The following TMEM62 variants were observed in gnomAD, a reference collection of about 807,000 sequenced individuals.
The protein encoded by TMEM62 is transmembrane protein 62.
A neutral mutation model predicts 70.4 loss-of-function variants in TMEM62; 41 were observed. The ratio of observed to expected loss-of-function variants is 0.58; its 90% CI spans 0.45 to 0.76. TMEM62 has a LOEUF of 0.76. Among genes scored for constraint, TMEM62 ranks in the 30% least tolerant of loss-of-function variants. TMEM62 has a pLI of 0.00. For missense variants in TMEM62, 688 were observed against 788.5 expected (o/e 0.87, Z 1.53); for synonymous variants, 268 against 291.0 (o/e 0.92, Z 0.80).
chr15:43,152,099 T>C (rs1195284399), intron 8 of TMEM62, among the ~76,000 whole-genome samples, 154 bp downstream of exon 8: 1 of 152,246 alleles, frequency 6.6e-6, no homozygotes, highest in Non-Finnish European at 1.5e-5. Context: ...TACTGTTTTG[T>C]TTCCATTAAG....
In TMEM62 at chr15:43,146,647, TCTTA is replaced by T. The variant is rs1267566394; in HGVS notation, c.618+17_618+20del. On this transcript the variant is annotated intron_variant, in intron 5 of 13. Transcript: ENST00000260403. Reference sequence around the variant, plus strand: ...AATTTTAGATAAGGTGCAGTAAAAATCTTACTTCCCTTTGTAGCTTACTTATTTT... The same window carrying T: ...AATTTTAGATAAGGTGCAGTAAAAATCTTCCCTTTGTAGCTTACTTATTTT... The T allele has an allele frequency of 6.2e-7, 1 of 1,600,346 alleles. No homozygotes were observed. Among genetic ancestry groups the T allele is most frequent in the Non-Finnish European group, 8.5e-7 (1 of 1,174,460 alleles).
intron 13 of TMEM62, among the ~76,000 whole-genome samples, chr15:43,181,613 T>C (rs2041336990): frequency 6.6e-6 from 1 of 152,216 alleles, no homozygotes; most frequent in African/African-American, 2.4e-5. Flanking sequence ...GCGATTTTCC[T>C]GCCTCAGCCT....
Position 43,160,808 on chromosome 15 carries a change from A to T in TMEM62, c.1296+14A>T. On this transcript the variant is annotated intron_variant, in intron 10 of 13. Transcript: ENST00000260403. ...CACTACATCATGGTAAGTGAATTCA[A>T]TTAAATATTACATATGTTAAATGCA... The T allele has an allele frequency of 7.0e-7, 1 of 1,426,914 alleles. No individual in the cohort carries two copies. The highest frequency in any genetic ancestry group is 9.8e-7 in the Non-Finnish European group (1 of 1,020,612). The allele number at this position is 1,426,914 out of a possible 1,614,324, so 88.4% of individuals were successfully genotyped here.
chr15:43,182,717 G>A (rs572855334), intron 13 of TMEM62, among the ~76,000 whole-genome samples: 110 of 152,278 alleles, frequency 7.2e-4, no homozygotes, highest in African/African-American at 2.6e-3. Context: ...GCCTCCCAAA[G>A]TGCTGGGATT....
At chr15:43,176,922 G>A (rs964391421) in intron 11 of TMEM62, among the ~76,000 whole-genome samples, 1 of 152,048 alleles carries the variant, frequency 6.6e-6, no homozygotes, top group East Asian at 1.9e-4. Context: ...CAAAGGCAAA[G>A]AAGTTAAAAA....
chr15:43,140,446 C>T (rs565140471), intron 4 of TMEM62, among the ~76,000 whole-genome samples: 101 of 152,234 alleles, frequency 6.6e-4, no homozygotes, highest in Admixed American at 2.2e-3. Flanking sequence ...CCAACTTTGG[C>T]GGTCACATTG....
At chr15:43,169,298 G>A (rs2039942502) in intron 10 of TMEM62, 1 of 254,902 alleles carries the variant, frequency 3.9e-6, no homozygotes, top group Admixed American at 5.2e-5. Flanking sequence ...TCCTCCAAAA[G>A]GGGCTTGTTA....
Position 43,154,785 on chromosome 15 carries a change from C to G in TMEM62, c.1136C>G (p.Pro379Arg). ...SGPIFVLKWN[P>R]RNYSSGTHNI... ...CCCATTTTCGTACTGAAGTGGAATC[C>G]TAGAAACTACAGTAGTGGGACACAT... The change falls in exon 9 of 14, where the codon CCT (proline) becomes CGT (arginine). Residue 379 changes from proline (P) to arginine (R), a missense_variant. Coordinates refer to ENST00000260403, the MANE Select transcript of TMEM62 (RefSeq NM_024956.4). 1 of 1,613,698 alleles carries G rather than the reference C, an allele frequency of 6.2e-7. No individual in the cohort carries two copies. Among genetic ancestry groups the G allele is most frequent in the Non-Finnish European group, 8.5e-7 (1 of 1,179,782 alleles).
At chr15:43,155,615 T>C (rs1343902274) in intron 9 of TMEM62, among the ~76,000 whole-genome samples, 1 of 151,876 alleles carries the variant, frequency 6.6e-6, no homozygotes, top group African/African-American at 2.4e-5. Flanking sequence ...AGAAGAGGAG[T>C]GGCCATAGAC....
In TMEM62 at chr15:43,165,016, G is replaced by C. The variant is rs535869714; in HGVS notation, c.1296+4222G>C. Among the ~76,000 whole-genome samples, 7 of 152,058 alleles carry C rather than the reference G, an allele frequency of 4.6e-5. No homozygotes were observed. The South Asian group carries it at 1.5e-3, about 32-fold the overall frequency. On this transcript the variant is annotated intron_variant, in intron 10 of 13. Coordinates refer to ENST00000260403, the MANE Select transcript of TMEM62 (RefSeq NM_024956.4). ...CCTTATCATTGCCCTTTGGGAATTTGGTTAATAAATGCCGTTAGGTAGTCT... is the reference window on the plus strand; with the variant it reads ...CCTTATCATTGCCCTTTGGGAATTTCGTTAATAAATGCCGTTAGGTAGTCT...
At chr15:43,141,290 A>C (rs2035971750) in intron 4 of TMEM62, among the ~76,000 whole-genome samples, 1 of 152,188 alleles carries the variant, frequency 6.6e-6, no homozygotes, top group South Asian at 2.1e-4. Context: ...CTTTAAGTGG[A>C]GCCAATGCCC....
chr15:43,146,408 A>G, intron 4 of TMEM62, 85 bp from the exon 5 acceptor site: 1 of 1,278,200 alleles, frequency 7.8e-7, no homozygotes, highest in Non-Finnish European at 1.1e-6. Context: ...TTTTCAAAGG[A>G]AGGTAAAATC....
intron 4 of TMEM62, among the ~76,000 whole-genome samples, chr15:43,140,447 G>T (rs530998692): frequency 1.9e-4 from 29 of 152,256 alleles, no homozygotes; most frequent in African/African-American, 7.0e-4. Context: ...CAACTTTGGC[G>T]GTCACATTGG....
At chr15:43,134,922 T>C (rs766069864) in intron 2 of TMEM62, among the ~76,000 whole-genome samples, 1 of 152,228 alleles carries the variant, frequency 6.6e-6, no homozygotes, top group Non-Finnish European at 1.5e-5. Context: ...CATCTATCTA[T>C]CTTGCTTACT....
At chr15:43,138,785 C>T (rs1362255862) in intron 4 of TMEM62, among the ~76,000 whole-genome samples, 166 bp downstream of exon 4, 5 of 152,156 alleles carry the variant, frequency 3.3e-5, no homozygotes, top group East Asian at 1.9e-4. Context: ...ATCCTCCTGC[C>T]TCAGACTCCT....
At chr15:43,169,716 A>T in intron 11 of TMEM62, 39 bp downstream of exon 11, 11 of 1,561,714 alleles carry the variant, frequency 7.0e-6, no homozygotes, top group Non-Finnish European at 9.6e-6. Flanking sequence ...AGCCTTGTTC[A>T]TGGAAAAAAC....
intron 9 of TMEM62, chr15:43,160,224 C>T (rs545989638): frequency 6.6e-6 from 1 of 152,124 alleles, no homozygotes; most frequent in African/African-American, 2.4e-5. Flanking sequence ...CTGCCTTGGC[C>T]TCCCAAAGTG....
chr15:43,163,882 C>T (rs1166125416), intron 10 of TMEM62, among the ~76,000 whole-genome samples: 1 of 152,134 alleles, frequency 6.6e-6, no homozygotes, highest in East Asian at 1.9e-4. Flanking sequence ...ATTCCAGTGA[C>T]GGTCCAGGAT....
At chr15:43,176,040 C>A (rs939537932) in intron 11 of TMEM62, among the ~76,000 whole-genome samples, 7 of 152,240 alleles carry the variant, frequency 4.6e-5, no homozygotes, top group South Asian at 2.1e-4. Context: ...TATCCCGCAC[C>A]TGGCTTGGAG....
Sources: allele counts gnomAD v4.1 joint callset (sites outside exome capture counted in the v4.1 genomes callset), GRCh38; gene constraint gnomAD v4.1.1; transcripts MANE v1.5; gene names NCBI Gene and HGNC (gene_info 2026-07-23, HGNC 2026-07-21).